OR2L13: variants seen among roughly 807,000 people sequenced by gnomAD.
OR2L13 encodes olfactory receptor family 2 subfamily L member 13.
A neutral mutation model predicts 15.3 loss-of-function variants in OR2L13; 14 were observed. The observed-to-expected ratio is 0.91, with a 90% CI of 0.60 to 1.43. The LOEUF (loss-of-function observed/expected upper bound fraction) is 1.43, where lower values mean the gene tolerates loss of function less well. Ranked by LOEUF, OR2L13 falls within the 40% of genes most tolerant of loss-of-function variation. OR2L13 has a pLI of 0.00. For missense variants in OR2L13, 367 were observed against 387.9 expected (o/e 0.95, Z 0.45); for synonymous variants, 152 against 142.9 (o/e 1.06, Z -0.45).
chr1:247,976,337 T>G, the OR2L13 span, among the ~76,000 whole-genome samples: 3 of 152,176 alleles, frequency 2.0e-5, no homozygotes, highest in Admixed American at 2.0e-4. Flanking sequence ...TTCTACTTAT[T>G]TTTCTCATAA....
the OR2L13 span, among the ~76,000 whole-genome samples, chr1:247,945,659 T>A: frequency 3.3e-5 from 5 of 152,124 alleles, no homozygotes; most frequent in African/African-American, 1.2e-4. Context: ...TAGGAACTTG[T>A]TTTATGCATC....
the OR2L13 span, among the ~76,000 whole-genome samples, chr1:248,005,469 G>A: frequency 1.3e-5 from 2 of 152,126 alleles, no homozygotes; most frequent in Non-Finnish European, 2.9e-5. Flanking sequence ...ATAGTTTGAA[G>A]TTTGGTACTT....
At chr1:248,003,978 T>A in the OR2L13 span, 1 of 1,614,002 alleles carries the variant, frequency 6.2e-7, no homozygotes, top group Non-Finnish European at 8.5e-7. Context: ...CTCACCCCAA[T>A]GCTCAACCCC....
the OR2L13 span, among the ~76,000 whole-genome samples, chr1:248,031,903 A>C: frequency 6.6e-6 from 1 of 152,132 alleles, no homozygotes; most frequent in Non-Finnish European, 1.5e-5. Context: ...TAATATTCTG[A>C]CATATATTAC....
At chr1:247,952,544 C>T in the OR2L13 span, among the ~76,000 whole-genome samples, 1 of 152,120 alleles carries the variant, frequency 6.6e-6, no homozygotes, top group Admixed American at 6.5e-5. Context: ...CATCTATGAA[C>T]CAGAAAGCAA....
the OR2L13 span, among the ~76,000 whole-genome samples, chr1:247,962,092 C>G: frequency 2.0e-5 from 3 of 151,970 alleles, no homozygotes; most frequent in African/African-American, 7.2e-5. Context: ...TTGCTTTGGC[C>G]CAGAGGAGAA....
At chr1:248,073,493 G>A in the OR2L13 span, among the ~76,000 whole-genome samples, 1 of 151,904 alleles carries the variant, frequency 6.6e-6, no homozygotes, top group South Asian at 2.1e-4. Flanking sequence ...GGGGGAGCGG[G>A]GAGGGATAGC....
chr1:248,081,166 T>G, the OR2L13 span, among the ~76,000 whole-genome samples: 1 of 152,136 alleles, frequency 6.6e-6, no homozygotes, highest in South Asian at 2.1e-4. Flanking sequence ...ATGCAAACCT[T>G]TATTAAGAAA....
At chr1:247,991,664 T>G in the OR2L13 span, among the ~76,000 whole-genome samples, 2 of 149,416 alleles carry the variant, frequency 1.3e-5, no homozygotes, top group Non-Finnish European at 3.0e-5. Context: ...GAGTAGCCAC[T>G]GGTATTCTCG....
the OR2L13 span, chr1:247,966,188 A>G: frequency 6.2e-7 from 1 of 1,614,016 alleles, no homozygotes; most frequent in Non-Finnish European, 8.5e-7. Flanking sequence ...CCTTCACGGG[A>G]TAAGGCGGTG....
the OR2L13 span, among the ~76,000 whole-genome samples, chr1:248,057,916 A>AGTTCTTTCTTTT: frequency 6.6e-6 from 1 of 152,206 alleles, no homozygotes; most frequent in African/African-American, 2.4e-5. Flanking sequence ...ATATGCAAAC[A>AGTTCTTTCTTTT]GAAATAATTT....
chr1:248,045,039 G>A, the OR2L13 span, among the ~76,000 whole-genome samples: 1 of 152,082 alleles, frequency 6.6e-6, no homozygotes, highest in Non-Finnish European at 1.5e-5. Context: ...TGGAATTACA[G>A]GCCTGTGCCA....
the OR2L13 span, among the ~76,000 whole-genome samples, chr1:248,025,934 C>G: frequency 7.1e-6 from 1 of 140,916 alleles, no homozygotes; most frequent in African/African-American, 3.0e-5. Flanking sequence ...GAACATCACA[C>G]TCTGGGGACT....
chr1:248,079,846 C>A, the OR2L13 span, among the ~76,000 whole-genome samples: 1 of 152,246 alleles, frequency 6.6e-6, no homozygotes, highest in Non-Finnish European at 1.5e-5. Context: ...AAAAGAAAAA[C>A]CACAAAATAA....
At chr1:248,045,503 G>T in the OR2L13 span, among the ~76,000 whole-genome samples, 1 of 152,210 alleles carries the variant, frequency 6.6e-6, no homozygotes, top group South Asian at 2.1e-4. Context: ...CTGTCTTACC[G>T]CATCAAATAA....
At chr1:248,072,056 G>C in the OR2L13 span, among the ~76,000 whole-genome samples, 1 of 151,176 alleles carries the variant, frequency 6.6e-6, no homozygotes, top group East Asian at 1.9e-4. Context: ...TACTGCCCAA[G>C]GTAATTTACA....
chr1:247,940,726 A>ACGTG, the OR2L13 span, among the ~76,000 whole-genome samples: 6 of 65,618 alleles, frequency 9.1e-5, no homozygotes, highest in African/African-American at 2.2e-4. Flanking sequence ...GTGTGTGCAT[A>ACGTG]CGTGCGTGTG....
the OR2L13 span, among the ~76,000 whole-genome samples, chr1:248,077,947 A>G: frequency 6.6e-6 from 1 of 152,224 alleles, no homozygotes; most frequent in African/African-American, 2.4e-5. Flanking sequence ...AAAAACACAA[A>G]AAGTCAACAG....
the OR2L13 span, among the ~76,000 whole-genome samples, chr1:248,074,810 C>A: frequency 6.6e-6 from 1 of 152,092 alleles, no homozygotes; most frequent in Non-Finnish European, 1.5e-5. Flanking sequence ...GCACACGTAC[C>A]CCTTGAATCT....
Sources: gnomAD v4.1 joint callset for allele counts (sites outside exome capture counted in the v4.1 genomes callset) on GRCh38, gnomAD v4.1.1 for gene constraint, MANE v1.5 for transcripts, NCBI Gene and HGNC (gene_info 2026-07-23, HGNC 2026-07-21) for gene names.